The following PLS1 variants were observed in gnomAD, a reference collection of about 807,000 sequenced individuals.
PLS1 encodes the protein plastin-1.
A neutral mutation model predicts 73.7 loss-of-function variants in PLS1; 32 were observed. The observed-to-expected ratio is 0.43, with a 90% CI of 0.33 to 0.58. PLS1 has a LOEUF of 0.58. Ranked by LOEUF, PLS1 falls within the 20% of genes least tolerant of loss-of-function variation. The pLI is 0.04. For synonymous variants in PLS1, 217 were observed against 261.3 expected (o/e 0.83, Z 1.63); for missense variants, 633 against 740.5 (o/e 0.85, Z 1.68).
At chr3:142,656,019 T>G (rs1387229206) in intron 1 of PLS1, among the ~76,000 whole-genome samples, 1 of 152,116 alleles carries the variant, frequency 6.6e-6, no homozygotes, top group Non-Finnish European at 1.5e-5. Context: ...TGGAGTGCAG[T>G]GGTGCAATCT....
chr3:142,633,714 G>C (rs754458727), intron 1 of PLS1, among the ~76,000 whole-genome samples: 1 of 152,044 alleles, frequency 6.6e-6, no homozygotes, highest in Non-Finnish European at 1.5e-5. Context: ...TAAATTTAAT[G>C]TTATGTGTTT....
chr3:142,674,789 C>T (rs766312618), intron 4 of PLS1, among the ~76,000 whole-genome samples: 48 of 152,040 alleles, frequency 3.2e-4, no homozygotes, highest in Non-Finnish European at 4.9e-4. Flanking sequence ...AGTGCAGTGG[C>T]GTGATCTCGG....
intron 1 of PLS1, among the ~76,000 whole-genome samples, chr3:142,622,115 G>A (rs557802824): frequency 9.9e-5 from 13 of 131,462 alleles, no homozygotes; most frequent in East Asian, 8.2e-4. Context: ...CCTTACATTC[G>A]TGCAGAATTT....
At chr3:142,672,456 C>CCTCA (rs2037624120) in intron 4 of PLS1, among the ~76,000 whole-genome samples, 1 of 151,046 alleles carries the variant, frequency 6.6e-6, no homozygotes, top group Admixed American at 6.6e-5. Context: ...CATTCTCTTG[C>CCTCA]CTCAGCCTCC....
chr3:142,691,532 A>G (rs1165146226), intron 10 of PLS1, among the ~76,000 whole-genome samples: 1 of 152,038 alleles, frequency 6.6e-6, no homozygotes, highest in Non-Finnish European at 1.5e-5. Flanking sequence ...CTTATTTTTC[A>G]TGTTTGAATT....
intron 11 of PLS1, among the ~76,000 whole-genome samples, chr3:142,695,773 T>C (rs779767803): frequency 4.2e-5 from 4 of 95,284 alleles, no homozygotes; most frequent in Non-Finnish European, 1.1e-4. Context: ...TATTTATTTA[T>C]TTATTTATTT....
chr3:142,666,655 T>C (rs924218566), intron 2 of PLS1, among the ~76,000 whole-genome samples: 1 of 152,228 alleles, frequency 6.6e-6, no homozygotes, highest in Non-Finnish European at 1.5e-5. Flanking sequence ...ATTTTGAGTG[T>C]AAACATAGTA....
chr3:142,697,096 A>C (rs1202993372), intron 11 of PLS1, among the ~76,000 whole-genome samples: 7 of 152,222 alleles, frequency 4.6e-5, no homozygotes, highest in South Asian at 4.1e-4. Flanking sequence ...CAATTTAAAA[A>C]ATCAATTGCT....
At chr3:142,680,637 TA>T (rs976636453) in intron 6 of PLS1, among the ~76,000 whole-genome samples, 11 of 152,344 alleles carry the variant, frequency 7.2e-5, no homozygotes, top group African/African-American at 2.6e-4. Context: ...AGATCTTGTA[TA>T]AGTCCAGGTA....
Position 142,640,419 on chromosome 3 carries a change from T to A in PLS1, c.-36-23783T>A, listed in dbSNP as rs372634094. On this transcript the variant is annotated intron_variant, in intron 1 of 15. Transcript: ENST00000457734. ...ATTTCCAAGAATGTGTAGTCCTTGATGAAGGCAGGATGAACAGAAAGTACT... is the reference window on the plus strand; with the variant it reads ...ATTTCCAAGAATGTGTAGTCCTTGAAGAAGGCAGGATGAACAGAAAGTACT... Among the ~76,000 whole-genome samples the A allele has an allele frequency of 2.1e-4, 32 of 152,318 alleles. No homozygotes were observed. The South Asian group carries it at 2.3e-3, about 11-fold the overall frequency.
chr3:142,691,685 G>T (rs1445337046), intron 10 of PLS1, among the ~76,000 whole-genome samples: 1 of 152,112 alleles, frequency 6.6e-6, no homozygotes, highest in African/African-American at 2.4e-5. Flanking sequence ...TCATACATCT[G>T]CCAAAAATGT....
At chr3:142,621,571 C>CA (rs1192991746) in intron 1 of PLS1, among the ~76,000 whole-genome samples, 1 of 152,060 alleles carries the variant, frequency 6.6e-6, no homozygotes, top group Non-Finnish European at 1.5e-5. Flanking sequence ...TAGCAAATAT[C>CA]AATTTTGTTT....
chr3:142,674,748 G>C (rs1177483646), intron 4 of PLS1, among the ~76,000 whole-genome samples: 1 of 151,942 alleles, frequency 6.6e-6, no homozygotes, highest in African/African-American at 2.4e-5. Context: ...GTTTTTTTGA[G>C]ACAAGAGTCT....
chr3:142,656,913 A>C (rs2037250594), intron 1 of PLS1: 1 of 152,254 alleles, frequency 6.6e-6, no homozygotes, highest in Non-Finnish European at 1.5e-5. Context: ...CCATAGGAAC[A>C]CTATCAAGTC....
At chr3:142,645,785 G>A (rs1005058326) in intron 1 of PLS1, among the ~76,000 whole-genome samples, 4 of 151,946 alleles carry the variant, frequency 2.6e-5, no homozygotes, top group Non-Finnish European at 4.4e-5. Context: ...TTTTTCAGAG[G>A]AAAAAAATAT....
At chr3:142,689,185 G>C (rs13099848) in intron 9 of PLS1, among the ~76,000 whole-genome samples, 85,706 of 151,768 alleles carry the variant, frequency 0.56, 24,551 homozygotes, top group Non-Finnish European at 0.6. Flanking sequence ...TATAATCCCA[G>C]CACTTTGGGA....
chr3:142,611,850 A>C (rs939993008), intron 1 of PLS1, among the ~76,000 whole-genome samples: 1 of 152,102 alleles, frequency 6.6e-6, no homozygotes, highest in Non-Finnish European at 1.5e-5. Context: ...TATTTGTTTT[A>C]ATTAAGCCTC....
chr3:142,669,676 TGA>T lies in PLS1; in HGVS notation c.234+124_234+125del, dbSNP rs565620439. On this transcript the variant is annotated intron_variant, in intron 3 of 15. Coordinates refer to ENST00000457734, the MANE Select transcript of PLS1 (RefSeq NM_001145319.2). The stretch of plus-strand genomic sequence containing the variant: ...CAGAAAAAGGACTGCTTTAAAATGA[TGA>T]TGATGATGATGACAATAACTATTAT... 0.013 allele frequency: 6,713 copies of T among 528,958 alleles called. 360 individuals are homozygous for T. The highest frequency in any genetic ancestry group is 0.12 in the African/African-American group (6,042 of 51,728). The allele number at this position is 528,958 out of a possible 1,614,324, so 32.8% of individuals were successfully genotyped here. A position where few individuals can be genotyped will look rare whatever the true frequency, so the allele number is the denominator to read the frequency against.
Position 142,670,999 on chromosome 3 carries a change from C to A in PLS1, c.241C>A (p.Gln81Lys). The A allele has an allele frequency of 6.3e-7, 1 of 1,590,814 alleles. No homozygotes were observed. The highest frequency in any genetic ancestry group is 8.6e-7 in the Non-Finnish European group (1 of 1,161,280). ...ISFEEFVSLM[Q>K]ELKSKDISKT... is the part of the protein sequence containing the mutation. ...TACTTATGTTCCATTCCAGCTAATG[C>A]AAGAATTAAAAAGCAAAGATATCAG... The change falls in exon 4 of 16, where the codon CAA (glutamine) becomes AAA (lysine). Residue 81 changes from glutamine (Q) to lysine (K), a missense_variant. Coordinates refer to ENST00000457734, the MANE Select transcript of PLS1 (RefSeq NM_001145319.2).
Sources: allele counts gnomAD v4.1 joint callset (sites outside exome capture counted in the v4.1 genomes callset), GRCh38; gene constraint gnomAD v4.1.1; transcripts MANE v1.5; gene names NCBI Gene and HGNC (gene_info 2026-07-23, HGNC 2026-07-21).